The following NKAIN3 variants were observed in gnomAD, a reference collection of about 807,000 sequenced individuals.
NKAIN3 encodes the protein sodium/potassium transporting ATPase interacting 3, also known as sodium/potassium-transporting ATPase subunit beta-1-interacting protein 3.
Under a neutral mutation model 30.2 loss-of-function variants are expected in NKAIN3, and 25 were observed. The ratio of observed to expected loss-of-function variants is 0.83; its 90% confidence interval spans 0.60 to 1.16. The LOEUF is 1.16. Ranked by LOEUF, NKAIN3 falls within the 50% of genes most tolerant of loss-of-function variation. The probability of loss-of-function intolerance (pLI) is 0.00; values close to 1 mark genes in which losing one functional copy is unlikely to be tolerated. For missense variants in NKAIN3, 225 were observed against 254.1 expected (o/e 0.89, Z 0.78); for synonymous variants, 91 against 89.6 (o/e 1.02, Z -0.09).
intron 4 of NKAIN3, among the ~76,000 whole-genome samples, chr8:62,807,461 G>A (rs1487094983): frequency 6.6e-6 from 1 of 151,196 alleles, no homozygotes; most frequent in Non-Finnish European, 1.5e-5. Flanking sequence ...CTTTTTGTGG[G>A]ACTGATCAAC....
intron 1 of NKAIN3, among the ~76,000 whole-genome samples, chr8:62,540,308 T>C: frequency 6.6e-6 from 1 of 152,184 alleles, no homozygotes; most frequent in East Asian, 1.9e-4. Flanking sequence ...CATTTTTCGC[T>C]ATCCCCTACC....
At chr8:62,290,268 T>G (rs906442093) in intron 1 of NKAIN3, among the ~76,000 whole-genome samples, 6 of 152,218 alleles carry the variant, frequency 3.9e-5, no homozygotes, top group African/African-American at 1.4e-4. Context: ...GGCCAGAACT[T>G]CCAACATTAT....
At chr8:62,866,267 C>T (rs1219443599) in intron 4 of NKAIN3, among the ~76,000 whole-genome samples, 1 of 152,114 alleles carries the variant, frequency 6.6e-6, no homozygotes, top group Non-Finnish European at 1.5e-5. Context: ...AAAGCATGAT[C>T]ATGCTTGTCT....
intron 1 of NKAIN3, among the ~76,000 whole-genome samples, chr8:62,314,362 C>T (rs1814544438): frequency 6.6e-6 from 1 of 152,140 alleles, no homozygotes; most frequent in South Asian, 2.1e-4. Flanking sequence ...CCTGGAGTGC[C>T]ATTGTCCAAA....
At position 62,972,144 on chromosome 8, in the gene NKAIN3, T is replaced by A. The variant is rs1585635048; in HGVS notation, c.*6737T>A. Among the ~76,000 whole-genome samples the A allele has an allele frequency of 6.6e-6, 1 of 152,160 alleles. No individual in the cohort carries two copies. Among genetic ancestry groups the A allele is most frequent in the Admixed American group, 6.6e-5 (1 of 15,266 alleles). ...TTTTCTTGTTATTCAGTTTAACAAG[T>A]ACATAATCAACATCAGTGCTTGGGA... On this transcript the variant is annotated 3_prime_UTR_variant, in exon 7 of 7. Coordinates refer to ENST00000623646, the MANE Select transcript of NKAIN3 (RefSeq NM_001304533.3).
At chr8:62,372,673 A>G (rs1275261140) in intron 1 of NKAIN3, among the ~76,000 whole-genome samples, 1 of 151,988 alleles carries the variant, frequency 6.6e-6, no homozygotes, top group Non-Finnish European at 1.5e-5. Flanking sequence ...CTAAAATTGT[A>G]TTGTTCTCAA....
At chr8:62,606,517 GA>G (rs199558945) in intron 3 of NKAIN3, among the ~76,000 whole-genome samples, 3 of 151,800 alleles carry the variant, frequency 2.0e-5, no homozygotes, top group South Asian at 2.1e-4. Flanking sequence ...TATGCTGCTG[GA>G]AAAAAAATGG....
At chr8:62,707,083 A>ACACG (rs1814552004) in intron 3 of NKAIN3, among the ~76,000 whole-genome samples, 1 of 151,424 alleles carries the variant, frequency 6.6e-6, no homozygotes, top group East Asian at 1.9e-4. Flanking sequence ...ACACACACAC[A>ACACG]CACGCACATA....
At chr8:62,617,472 A>G (rs1811493468) in intron 3 of NKAIN3, among the ~76,000 whole-genome samples, 1 of 152,194 alleles carries the variant, frequency 6.6e-6, no homozygotes, top group Non-Finnish European at 1.5e-5. Flanking sequence ...AATGAGAAAG[A>G]TACTGAATAT....
intron 4 of NKAIN3, among the ~76,000 whole-genome samples, chr8:62,871,418 A>G (rs79176152): frequency 7.0e-6 from 1 of 142,448 alleles, no homozygotes; most frequent in Middle Eastern, 3.6e-3. Flanking sequence ...AAAAAAAAAA[A>G]CAAAAACAAA....
At chr8:62,600,984 G>A (rs1388256560) in intron 3 of NKAIN3, among the ~76,000 whole-genome samples, 1 of 152,026 alleles carries the variant, frequency 6.6e-6, no homozygotes, top group Non-Finnish European at 1.5e-5. Context: ...ATCAACTTTA[G>A]CTTTTGGGCA....
intron 4 of NKAIN3, among the ~76,000 whole-genome samples, chr8:62,870,291 G>C (rs1415208057): frequency 6.2e-5 from 2 of 32,304 alleles, no homozygotes; most frequent in Non-Finnish European, 1.3e-4. Context: ...AATATCTATA[G>C]ATATATATAC....
chr8:62,837,092 A>G (rs1448258169), intron 4 of NKAIN3, among the ~76,000 whole-genome samples: 5 of 152,082 alleles, frequency 3.3e-5, no homozygotes, highest in Non-Finnish European at 4.4e-5. Context: ...AACATTACCT[A>G]GTAGTAGTCA....
chr8:62,618,757 T>A (rs960414808), intron 3 of NKAIN3, among the ~76,000 whole-genome samples: 1 of 151,884 alleles, frequency 6.6e-6, no homozygotes, highest in Non-Finnish European at 1.5e-5. Context: ...AATGCAAAAA[T>A]TAGCCGGGCA....
intron 4 of NKAIN3, among the ~76,000 whole-genome samples, chr8:62,765,262 A>AAAAAAAG (rs1554575779): frequency 5.8e-5 from 8 of 137,548 alleles, no homozygotes; most frequent in African/African-American, 8.0e-5. Flanking sequence ...AAAAAAAAAA[A>AAAAAAAG]AAAAGAAAAG....
chr8:62,379,901 T>G (rs1325273500), intron 1 of NKAIN3, among the ~76,000 whole-genome samples: 1 of 152,172 alleles, frequency 6.6e-6, no homozygotes, highest in Non-Finnish European at 1.5e-5. Context: ...CTTCACATTT[T>G]CATATTACAG....
At chr8:62,756,334 C>A (rs1816451106) in intron 4 of NKAIN3, among the ~76,000 whole-genome samples, 1 of 152,140 alleles carries the variant, frequency 6.6e-6, no homozygotes, top group Non-Finnish European at 1.5e-5. Flanking sequence ...TAAATGTGGT[C>A]TTTCGTGTTT....
intron 4 of NKAIN3, among the ~76,000 whole-genome samples, chr8:62,823,247 G>T (rs867137347): frequency 6.6e-6 from 1 of 152,226 alleles, no homozygotes; most frequent in South Asian, 2.1e-4. Flanking sequence ...TAGGCGACAG[G>T]ATTTTTTCAG....
intron 3 of NKAIN3, among the ~76,000 whole-genome samples, chr8:62,721,638 T>G (rs1040387985): frequency 6.6e-6 from 1 of 152,214 alleles, no homozygotes; most frequent in Non-Finnish European, 1.5e-5. Context: ...GTAAATTGCC[T>G]TTGTATTGTA....
Sources: allele counts gnomAD v4.1 joint callset (sites outside exome capture counted in the v4.1 genomes callset), GRCh38; gene constraint gnomAD v4.1.1; transcripts MANE v1.5; gene names NCBI Gene and HGNC (gene_info 2026-07-23, HGNC 2026-07-21).